The following EML2 variants were observed in gnomAD, a reference collection of about 807,000 sequenced individuals.
EML2 encodes the protein EMAP like 2.
Under a neutral mutation model 84.7 loss-of-function variants are expected in EML2, and 59 were observed. The observed-to-expected ratio is 0.70, with a 90% CI of 0.56 to 0.86. EML2 has a LOEUF of 0.86. Among genes scored for constraint, EML2 ranks in the 40% least tolerant of loss-of-function variants. The pLI, the probability that EML2 is intolerant of heterozygous loss-of-function variation, is 0.00. For missense variants in EML2, 818 were observed against 855.6 expected (o/e 0.96, Z 0.55); for synonymous variants, 352 against 348.9 (o/e 1.01, Z -0.10).
chr19:45,645,189 G>T, upstream of EML2: 1 of 1,409,446 alleles, frequency 7.1e-7, no homozygotes, highest in Non-Finnish European at 9.5e-7. Flanking sequence ...AGGGGGTTGG[G>T]GACTTGCAAG....
At chr19:45,634,044 A>G (rs1345412729) in intron 4 of EML2, among the ~76,000 whole-genome samples, 2 of 152,236 alleles carry the variant, frequency 1.3e-5, no homozygotes, top group East Asian at 1.9e-4. Context: ...CCTGGGTTCA[A>G]GTGATCCTCT....
At chr19:45,625,464 A>T (rs1317789863) in intron 8 of EML2, among the ~76,000 whole-genome samples, 4 of 150,306 alleles carry the variant, frequency 2.7e-5, no homozygotes, top group Non-Finnish European at 5.9e-5. Context: ...GCGGGTCTGA[A>T]CTCCTGGCCT....
At chr19:45,611,646 T>C (rs1337019009) in intron 18 of EML2, among the ~76,000 whole-genome samples, 1 of 151,744 alleles carries the variant, frequency 6.6e-6, no homozygotes, top group Non-Finnish European at 1.5e-5. Context: ...CCACCACCCA[T>C]GACTAATTTT....
At chr19:45,621,457 C>G in intron 10 of EML2, 26 bp downstream of exon 10, 1 of 1,602,980 alleles carries the variant, frequency 6.2e-7, no homozygotes, top group South Asian at 1.1e-5. Context: ...TCTCTACCCC[C>G]ATCTGAGCCC....
chr19:45,621,779 C>G (rs1971748664), intron 9 of EML2, 142 bp from the exon 10 acceptor site: 1 of 991,886 alleles, frequency 1.0e-6, no homozygotes, highest in African/African-American at 1.6e-5. Context: ...CGGAGTCTCT[C>G]TGTTGCCCAG....
intron 18 of EML2, 97 bp from the exon 19 acceptor site, chr19:45,609,885 CTCTTTT>C: frequency 7.2e-7 from 1 of 1,383,256 alleles, no homozygotes; most frequent in Non-Finnish European, 9.6e-7. Flanking sequence ...TCTGCTCTTC[CTCTTTT>C]TTTTTTTTTT....
chr19:45,626,822 T>G lies in EML2; in HGVS notation c.624A>C (p.Val208=). 6.2e-7 allele frequency: 1 copy of G among 1,613,224 alleles called. No individual in the cohort carries two copies. Among genetic ancestry groups the G allele is most frequent in the East Asian group, 2.2e-5 (1 of 44,844 alleles). ...CCGTGGGGTGGAAGGTGGCCACCAA[T>G]ACAGCCTCATTGGAGCACTTTGGGG... The part of the protein sequence containing the change: ...VVDVKCSNEA[V]LVATFHPTDP... Residue 208 remains valine, a synonymous_variant, in exon 8 of 19, where the codon GTA becomes GTC. Coordinates refer to ENST00000245925, the MANE Select transcript of EML2 (RefSeq NM_012155.4).
upstream of EML2, chr19:45,641,613 T>G: frequency 6.5e-7 from 1 of 1,532,496 alleles, no homozygotes; most frequent in East Asian, 2.4e-5. Context: ...TATCTCTTTC[T>G]GCGGCTTGAC....
In EML2 at chr19:45,619,171, C is replaced by G; in HGVS notation, c.1143G>C (p.Trp381Cys). 1.9e-6 allele frequency: 3 copies of G among 1,611,416 alleles called. No individual in the cohort carries two copies. The highest frequency in any genetic ancestry group is 1.1e-5 in the South Asian group (1 of 90,844). ...CCCGACTGGGGTGTGTGGCCAGGCC[C>G]CACAGCTCTTCCACATGGCCCTGGT... ...LLVQGHVEELWGLATHPSRAQ... is the reference protein window; with the variant it reads ...LLVQGHVEELCGLATHPSRAQ... The change falls in exon 12 of 19, where the codon TGG (tryptophan) becomes TGC (cysteine). Residue 381 changes from tryptophan to cysteine, a missense_variant. Physicochemically the swap from Trp to Cys is radical, Grantham distance 215 (BLOSUM62 -2). Coordinates refer to ENST00000245925, the MANE Select transcript of EML2 (RefSeq NM_012155.4).
chr19:45,638,502 T>TA lies in EML2; in HGVS notation c.179+2dup. 6.2e-7 allele frequency: 1 copy of TA among 1,613,970 alleles called. No homozygotes were observed. Among genetic ancestry groups the TA allele is most frequent in the Non-Finnish European group, 8.5e-7 (1 of 1,180,016 alleles). On this transcript the variant is annotated splice_region_variant and intron_variant, in intron 3 of 18. Transcript: ENST00000245925. ...CACCAAGGAGATTCCAGCAAAAGGATACACCCACTCCAGCTTGAGCCGGCA... is the reference window on the plus strand; with the variant it reads ...CACCAAGGAGATTCCAGCAAAAGGATAACACCCACTCCAGCTTGAGCCGGCA...
At chr19:45,625,059 T>C (rs1249464248) in intron 8 of EML2, among the ~76,000 whole-genome samples, 1 of 152,118 alleles carries the variant, frequency 6.6e-6, no homozygotes, top group Non-Finnish European at 1.5e-5. Context: ...TCCTGCCCTC[T>C]CTCTGGTCCC....
At chr19:45,616,708 G>C (rs1971122563) in intron 14 of EML2, 57 bp downstream of exon 14, 2 of 1,532,592 alleles carry the variant, frequency 1.3e-6, no homozygotes, top group Non-Finnish European at 1.8e-6. Context: ...CCTGCCAAGA[G>C]CTCTGAGCCT....
Position 45,613,674 on chromosome 19 carries a change from G to A in EML2, c.1694-3C>T. The A allele has an allele frequency of 6.2e-7, 1 of 1,611,522 alleles. No homozygotes were observed. Among genetic ancestry groups the A allele is most frequent in the Non-Finnish European group, 8.5e-7 (1 of 1,178,064 alleles). ...GTCCGCCCCCTCAGACCAGATCCCT[G>A]TGGGCAAGATGAAGGGAAGTGGTAA... On this transcript the variant is annotated splice_region_variant and splice_polypyrimidine_tract_variant and intron_variant, in intron 17 of 18. Transcript: ENST00000245925.
chr19:45,643,664 G>A (rs1974801999), upstream of EML2: 9 of 1,536,054 alleles, frequency 5.9e-6, no homozygotes, highest in South Asian at 1.2e-5. Flanking sequence ...GGGACAGGGC[G>A]TGGAGCTCGC....
Position 45,630,285 on chromosome 19 carries a change from G to A in EML2, c.511-239C>T, listed in dbSNP as rs1972870517. Among the ~76,000 whole-genome samples, 7 of 152,174 alleles carry A rather than the reference G, an allele frequency of 4.6e-5. No homozygotes were observed. The South Asian group carries it at 1.5e-3, about 32-fold the overall frequency. On this transcript the variant is annotated intron_variant, in intron 6 of 18. Transcript: ENST00000245925. ...AAAAAAATAAAAAGCCAGGCGTGGT[G>A]GCTCACACCTGTAATCCCAGCACTT...
intron 2 of EML2, 28 bp downstream of exon 2, chr19:45,638,817 C>T (rs934438039): frequency 6.2e-7 from 1 of 1,613,210 alleles, no homozygotes; most frequent in Non-Finnish European, 8.5e-7. Context: ...CAAGCTTCCA[C>T]CGAGCCCTTC....
At chr19:45,638,063 C>G (rs1289534337) in intron 3 of EML2, among the ~76,000 whole-genome samples, 3 of 152,196 alleles carry the variant, frequency 2.0e-5, no homozygotes, top group Non-Finnish European at 2.9e-5. Flanking sequence ...CCACCCACCT[C>G]GGCCTCCCAA....
intron 18 of EML2, among the ~76,000 whole-genome samples, chr19:45,611,402 ACT>A (rs988502056): frequency 3.3e-5 from 5 of 151,604 alleles, no homozygotes; most frequent in African/African-American, 1.2e-4. Flanking sequence ...CAAGAGTGAA[ACT>A]CTGTCTCAAA....
At position 45,622,822 on chromosome 19, in the gene EML2, C is replaced by T. The variant is rs558409061; in HGVS notation, c.842-1185G>A. On this transcript the variant is annotated intron_variant, in intron 9 of 18. Coordinates refer to ENST00000245925, the MANE Select transcript of EML2 (RefSeq NM_012155.4). ...CAGCACTTTGGGAGGCCGAAGGGGG[C>T]GGATCACGAGGTCAGGAGATTGAGA... Among the ~76,000 whole-genome samples, 35 of 152,086 alleles carry T rather than the reference C, an allele frequency of 2.3e-4. No individual in the cohort carries two copies. In the Middle Eastern group the frequency reaches 0.02, roughly 89 times the overall value.
Sources: allele counts gnomAD v4.1 joint callset (sites outside exome capture counted in the v4.1 genomes callset), GRCh38; gene constraint gnomAD v4.1.1; transcripts MANE v1.5; gene names NCBI Gene and HGNC (gene_info 2026-07-23, HGNC 2026-07-21).